TTBK2: variants seen among roughly 807,000 people sequenced by gnomAD.
TTBK2 encodes tau tubulin kinase 2.
Under a neutral mutation model 110.8 loss-of-function variants are expected in TTBK2, and 28 were observed. The observed-to-expected ratio is 0.25, with a 90% CI of 0.19 to 0.35. TTBK2 has a LOEUF of 0.35. Ranked by LOEUF, TTBK2 falls within the 10% of genes least tolerant of loss-of-function variation. The pLI is 1.00. For synonymous variants in TTBK2, 532 were observed against 527.3 expected, an observed-to-expected ratio of 1.01 and a Z score of -0.12; for missense variants, 1,369 against 1,500.3, an observed-to-expected ratio of 0.91 and a Z score of 1.45.
At chr15:42,749,393 G>T (rs1327885674) in intron 14 of TTBK2, among the ~76,000 whole-genome samples, 1 of 152,220 alleles carries the variant, frequency 6.6e-6, no homozygotes, top group Non-Finnish European at 1.5e-5. Context: ...AGAAGGCTTG[G>T]ACTGTCAATT....
chr15:42,804,239 G>C (rs913477607), intron 9 of TTBK2, among the ~76,000 whole-genome samples: 1 of 151,814 alleles, frequency 6.6e-6, no homozygotes, highest in African/African-American at 2.4e-5. Context: ...GAGGTCAGGA[G>C]TTCGAGACCA....
intron 6 of TTBK2, among the ~76,000 whole-genome samples, chr15:42,820,374 G>A (rs1353340374): frequency 6.6e-6 from 1 of 152,182 alleles, no homozygotes; most frequent in African/African-American, 2.4e-5. Context: ...TAGTAGGAGA[G>A]AGGAAGGACA....
intron 10 of TTBK2, among the ~76,000 whole-genome samples, chr15:42,787,985 A>G (rs753540103): frequency 6.6e-6 from 1 of 152,058 alleles, no homozygotes; most frequent in Non-Finnish European, 1.5e-5. Context: ...ACAAACCTGT[A>G]CAGCATGTCA....
chr15:42,827,074 A>C (rs1328063357), intron 6 of TTBK2, among the ~76,000 whole-genome samples: 1 of 152,224 alleles, frequency 6.6e-6, no homozygotes, highest in East Asian at 1.9e-4. Context: ...CTGGCTTGCA[A>C]TTAGTGAAGT....
chr15:42,836,039 T>C (rs1892972039), intron 4 of TTBK2, among the ~76,000 whole-genome samples: 1 of 152,204 alleles, frequency 6.6e-6, no homozygotes, highest in Non-Finnish European at 1.5e-5. Context: ...ACCTCTGTAG[T>C]TGATGTACTT....
intron 11 of TTBK2, among the ~76,000 whole-genome samples, chr15:42,780,850 G>C (rs1347574809): frequency 6.6e-6 from 1 of 152,074 alleles, no homozygotes; most frequent in Non-Finnish European, 1.5e-5. Context: ...TGTAATTTCA[G>C]CTACTTGGGA....
chr15:42,794,844 A>G (rs902674270), intron 9 of TTBK2, 43 bp from the exon 10 acceptor site: 1 of 1,606,546 alleles, frequency 6.2e-7, no homozygotes, highest in African/African-American at 1.3e-5. Context: ...AACAGTAAAC[A>G]TAGTCACTTT....
intron 4 of TTBK2, among the ~76,000 whole-genome samples, chr15:42,836,061 T>G (rs1043158561): frequency 1.3e-5 from 2 of 152,130 alleles, no homozygotes; most frequent in Middle Eastern, 3.2e-3. Flanking sequence ...TCACAATATA[T>G]CACACTTTGG....
At chr15:42,887,441 C>G (rs1043534656) in intron 1 of TTBK2, among the ~76,000 whole-genome samples, 2 of 152,130 alleles carry the variant, frequency 1.3e-5, no homozygotes, top group Admixed American at 6.5e-5. Context: ...ACCTAATCAC[C>G]CTTACCCCGC....
At chr15:42,887,727 A>T (rs758742059) in intron 1 of TTBK2, among the ~76,000 whole-genome samples, 6 of 152,024 alleles carry the variant, frequency 3.9e-5, no homozygotes, top group Non-Finnish European at 7.4e-5. Flanking sequence ...GATCTCAAAC[A>T]TGCTTTTTTT....
chr15:42,880,077 T>C (rs1894980724), intron 1 of TTBK2, among the ~76,000 whole-genome samples: 1 of 151,806 alleles, frequency 6.6e-6, no homozygotes, highest in Non-Finnish European at 1.5e-5. Flanking sequence ...TGAATGCATC[T>C]CGTGGTATAG....
intron 7 of TTBK2, among the ~76,000 whole-genome samples, chr15:42,816,634 C>T (rs956765034): frequency 6.6e-6 from 1 of 152,226 alleles, no homozygotes; most frequent in Middle Eastern, 3.4e-3. Context: ...AACTCTCAAG[C>T]ACTTTCCACA....
intron 9 of TTBK2, among the ~76,000 whole-genome samples, chr15:42,805,343 GAAC>G (rs1891415844): frequency 6.6e-6 from 1 of 152,168 alleles, no homozygotes; most frequent in Non-Finnish European, 1.5e-5. Flanking sequence ...TCTAAGAGTT[GAAC>G]CGAAGAAACT....
At chr15:42,896,728 A>G (rs926314927) in intron 1 of TTBK2, among the ~76,000 whole-genome samples, 6 of 152,174 alleles carry the variant, frequency 3.9e-5, no homozygotes, top group African/African-American at 1.2e-4. Context: ...CAGGAAGTCA[A>G]TGGCTGCAGT....
At chr15:42,877,407 C>G (rs780780318) in intron 2 of TTBK2, among the ~76,000 whole-genome samples, 1 of 151,938 alleles carries the variant, frequency 6.6e-6, no homozygotes, top group African/African-American at 2.4e-5. Flanking sequence ...ATGTGTTAAC[C>G]CCAAATGGAA....
At chr15:42,888,737 C>T (rs1269360072) in intron 1 of TTBK2, among the ~76,000 whole-genome samples, 2 of 152,180 alleles carry the variant, frequency 1.3e-5, no homozygotes, top group Admixed American at 6.5e-5. Flanking sequence ...AATAGAAACT[C>T]TTCTCAAGGC....
intron 6 of TTBK2, among the ~76,000 whole-genome samples, chr15:42,819,640 T>C (rs1052759158): frequency 1.3e-5 from 2 of 152,338 alleles, no homozygotes; most frequent in African/African-American, 4.8e-5. Context: ...TTGACAATCA[T>C]AGTCAGTGGA....
At chr15:42,815,958 A>AAAAAAAAAATATATATATATAT (rs71108183) in intron 7 of TTBK2, among the ~76,000 whole-genome samples, 1 of 91,716 alleles carries the variant, frequency 1.1e-5, no homozygotes, top group African/African-American at 6.2e-5. Flanking sequence ...TTAAAAAAAA[A>AAAAAAAAAATATATATATATAT]ATATATATAT....
intron 11 of TTBK2, among the ~76,000 whole-genome samples, chr15:42,781,370 A>C (rs1334009156): frequency 6.6e-6 from 1 of 152,076 alleles, no homozygotes; most frequent in East Asian, 1.9e-4. Flanking sequence ...AACACACCAA[A>C]ACTTTTGCAA....
Sources: allele counts gnomAD v4.1 joint callset (sites outside exome capture counted in the v4.1 genomes callset), GRCh38; gene constraint gnomAD v4.1.1; transcripts MANE v1.5; gene names NCBI Gene and HGNC (gene_info 2026-07-23, HGNC 2026-07-21).